The following ADAMTS16 variants were observed in gnomAD, a reference collection of about 807,000 sequenced individuals.
The protein encoded by ADAMTS16 is A disintegrin and metalloproteinase with thrombospondin motifs 16.
ADAMTS16 carries 94 observed loss-of-function variants against 145.8 expected under a neutral mutation model. The observed-to-expected ratio is 0.64, with a 90% CI of 0.55 to 0.77. The LOEUF (loss-of-function observed/expected upper bound fraction) is 0.77, where lower values mean the gene tolerates loss of function less well. ADAMTS16 is among the 30% of genes least tolerant of loss of function. The pLI is 0.00. For synonymous variants in ADAMTS16, 659 were observed against 604.3 expected (o/e 1.09, Z -1.33); for missense variants, 1,585 against 1,591.5 (o/e 1.00, Z 0.07).
At chr5:5,209,310 C>T in intron 10 of ADAMTS16, 64 bp downstream of exon 10, 2 of 1,572,796 alleles carry the variant, frequency 1.3e-6, no homozygotes, top group South Asian at 2.4e-5. Context: ...TTTAGTGTAA[C>T]TGATGTTGAT....
chr5:5,219,166 AC>A (rs1228163689), intron 10 of ADAMTS16, among the ~76,000 whole-genome samples: 1 of 151,808 alleles, frequency 6.6e-6, no homozygotes, highest in Non-Finnish European at 1.5e-5. Flanking sequence ...ATACAGGCGT[AC>A]AATGTGTAAT....
intron 10 of ADAMTS16, among the ~76,000 whole-genome samples, chr5:5,222,316 AATGGATGGATGG>A (rs10664937): frequency 3.4e-5 from 5 of 148,440 alleles, no homozygotes; most frequent in Non-Finnish European, 7.4e-5. Context: ...TGCATGGTTA[AATGGATGGATGG>A]ATGGATGGAT....
chr5:5,228,126 A>G (rs1428023), intron 11 of ADAMTS16, among the ~76,000 whole-genome samples: 65,287 of 152,104 alleles, frequency 0.43, 15,318 homozygotes, highest in African/African-American at 0.61. Context: ...AAATGCTGTT[A>G]AATAATCCCT....
intron 18 of ADAMTS16, among the ~76,000 whole-genome samples, chr5:5,286,218 TAA>T (rs1739094719): frequency 6.6e-6 from 1 of 152,216 alleles, no homozygotes; most frequent in African/African-American, 2.4e-5. Context: ...CACTGAAATC[TAA>T]AATAGAGTAT....
At chr5:5,184,033 C>T (rs1735422389) in intron 4 of ADAMTS16, among the ~76,000 whole-genome samples, 2 of 152,204 alleles carry the variant, frequency 1.3e-5, no homozygotes, top group Admixed American at 6.5e-5. Flanking sequence ...CTGGGGTATG[C>T]AGGTGATAGT....
intron 18 of ADAMTS16, among the ~76,000 whole-genome samples, chr5:5,287,831 T>C (rs1192754886): frequency 6.6e-6 from 1 of 152,154 alleles, no homozygotes. Flanking sequence ...TGGTCCTAAC[T>C]GGCCAGTCCT....
chr5:5,180,611 T>A (rs1735313782), intron 3 of ADAMTS16, among the ~76,000 whole-genome samples: 1 of 152,198 alleles, frequency 6.6e-6, no homozygotes. Flanking sequence ...AGAAAATTCT[T>A]TAAGTGTAGA....
intron 17 of ADAMTS16, among the ~76,000 whole-genome samples, chr5:5,245,363 T>C (rs1234533082): frequency 6.6e-6 from 1 of 152,188 alleles, no homozygotes; most frequent in East Asian, 1.9e-4. Flanking sequence ...ATAATTAACT[T>C]TGCCAATGAG....
intron 10 of ADAMTS16, among the ~76,000 whole-genome samples, chr5:5,212,399 G>A (rs1257940227): frequency 6.6e-6 from 1 of 151,634 alleles, no homozygotes; most frequent in East Asian, 1.9e-4. Flanking sequence ...TAGTAGAGAC[G>A]GGGTTTCACC....
At chr5:5,224,625 T>G (rs77075059) in intron 11 of ADAMTS16, among the ~76,000 whole-genome samples, 1 of 152,272 alleles carries the variant, frequency 6.6e-6, no homozygotes, top group East Asian at 1.9e-4. Context: ...ATGAGTATAA[T>G]GAGATATGGC....
chr5:5,220,403 C>T (rs1736567903), intron 10 of ADAMTS16, among the ~76,000 whole-genome samples: 1 of 151,488 alleles, frequency 6.6e-6, no homozygotes, highest in Non-Finnish European at 1.5e-5. Flanking sequence ...CGTGATCCGC[C>T]CGCCTCGGCC....
chr5:5,261,775 AT>A (rs1308138670), intron 17 of ADAMTS16, among the ~76,000 whole-genome samples: 1 of 152,198 alleles, frequency 6.6e-6, no homozygotes, highest in Non-Finnish European at 1.5e-5. Context: ...GGCAAAATAT[AT>A]GTGAAATTTG....
chr5:5,287,794 G>GAAGACGGT (rs767112599), intron 18 of ADAMTS16, among the ~76,000 whole-genome samples: 3 of 152,142 alleles, frequency 2.0e-5, no homozygotes, highest in Non-Finnish European at 4.4e-5. Flanking sequence ...CCCCGTCACT[G>GAAGACGGT]AAGACTTTAC....
intron 21 of ADAMTS16, among the ~76,000 whole-genome samples, 153 bp downstream of exon 21, chr5:5,306,881 C>G (rs1041793807): frequency 1.3e-5 from 2 of 152,192 alleles, no homozygotes; most frequent in African/African-American, 4.8e-5. Flanking sequence ...TGCGGGTGGC[C>G]TGGTTCCTGG....
At chr5:5,288,304 A>G (rs962817104) in intron 18 of ADAMTS16, among the ~76,000 whole-genome samples, 1 of 152,224 alleles carries the variant, frequency 6.6e-6, no homozygotes, top group Non-Finnish European at 1.5e-5. Flanking sequence ...TTCATTTCAA[A>G]AGAAAGAAAA....
intron 3 of ADAMTS16, among the ~76,000 whole-genome samples, chr5:5,174,805 C>A (rs897627914): frequency 6.6e-6 from 1 of 152,154 alleles, no homozygotes; most frequent in African/African-American, 2.4e-5. Context: ...TTAATTATTT[C>A]AATCTCTTTG....
Position 5,178,743 on chromosome 5 carries a change from C to G in ADAMTS16, c.502-3301C>G, listed in dbSNP as rs138587203. Reference sequence around the variant, plus strand: ...CACCTTTGCCTGGGGATCCGGTCCTCTCACCCTGGGCCACCCAGAATGTAG... The same window carrying G: ...CACCTTTGCCTGGGGATCCGGTCCTGTCACCCTGGGCCACCCAGAATGTAG... On this transcript the variant is annotated intron_variant, in intron 3 of 22. Transcript: ENST00000274181. Among the ~76,000 whole-genome samples the G allele has an allele frequency of 3.5e-3, 530 of 152,280 alleles. 4 individuals carry two copies. Among genetic ancestry groups the G allele is most frequent in the South Asian group, 0.013 (65 of 4,816 alleles).
chr5:5,285,392 T>A (rs1301097294), intron 18 of ADAMTS16, among the ~76,000 whole-genome samples: 1 of 152,224 alleles, frequency 6.6e-6, no homozygotes, highest in African/African-American at 2.4e-5. Context: ...GCGCCTTTAG[T>A]CTACCTCTGA....
intron 9 of ADAMTS16, among the ~76,000 whole-genome samples, chr5:5,202,489 A>G (rs2126594455): frequency 6.6e-6 from 1 of 152,302 alleles, no homozygotes; most frequent in South Asian, 2.1e-4. Context: ...CTCAGAGTCA[A>G]GCTGGGGATT....
Sources: allele counts gnomAD v4.1 joint callset (sites outside exome capture counted in the v4.1 genomes callset), GRCh38; gene constraint gnomAD v4.1.1; transcripts MANE v1.5; gene names NCBI Gene and HGNC (gene_info 2026-07-23, HGNC 2026-07-21).